Variants in ZBBX observed in about 807,000 individuals in gnomAD.
The protein encoded by ZBBX is zinc finger B-box domain-containing protein 1.
In ZBBX, 101 loss-of-function variants were observed where a neutral mutation model predicts 108.5. That is an observed-to-expected ratio of 0.93 (90% CI 0.79 to 1.10). ZBBX has a LOEUF of 1.10. Ranked by LOEUF, ZBBX falls within the 50% of genes least tolerant of loss-of-function variation. The probability of loss-of-function intolerance (pLI) is 0.00; values close to 1 mark genes in which losing one functional copy is unlikely to be tolerated. For synonymous variants in ZBBX, 356 were observed against 323.4 expected (o/e 1.10, Z -1.08); for missense variants, 1,009 against 941.4 (o/e 1.07, Z -0.94).
At chr3:167,357,042 G>A (rs1178711641) in intron 8 of ZBBX, among the ~76,000 whole-genome samples, 2 of 152,084 alleles carry the variant, frequency 1.3e-5, no homozygotes, top group African/African-American at 4.8e-5. Flanking sequence ...GTGTTGAGTA[G>A]GTAGATTGAG....
At chr3:167,202,299 T>C in the ZBBX span, among the ~76,000 whole-genome samples, 2 of 152,290 alleles carry the variant, frequency 1.3e-5, no homozygotes, top group Non-Finnish European at 2.9e-5. Flanking sequence ...TGAGCCACTG[T>C]TCTCTTTGCC....
At chr3:167,293,209 C>A (rs575065290) in intron 18 of ZBBX, among the ~76,000 whole-genome samples, 1 of 152,290 alleles carries the variant, frequency 6.6e-6, no homozygotes, top group Admixed American at 6.5e-5. Context: ...ATGAGGCCAG[C>A]ATCATCCTGA....
At chr3:167,348,372 A>AAAGAAGAAAGAAAGAAAG (rs1560163843) in intron 9 of ZBBX, among the ~76,000 whole-genome samples, 49 of 104,814 alleles carry the variant, frequency 4.7e-4, no homozygotes, top group African/African-American at 1.5e-3. Context: ...AAGAAAGAAA[A>AAAGAAGAAAGAAAGAAAG]AAAAGAAAAG....
chr3:167,326,025 C>A (rs566273306), intron 11 of ZBBX, among the ~76,000 whole-genome samples: 1 of 152,172 alleles, frequency 6.6e-6, no homozygotes, highest in East Asian at 1.9e-4. Flanking sequence ...AAACAAGTCA[C>A]CACTGAGGCA....
intron 16 of ZBBX, among the ~76,000 whole-genome samples, chr3:167,311,947 A>T (rs1734666027): frequency 6.6e-6 from 1 of 152,192 alleles, no homozygotes; most frequent in Non-Finnish European, 1.5e-5. Flanking sequence ...TACCCAAATA[A>T]GTTGAAAACT....
At chr3:167,321,455 G>A (rs80348242) in intron 12 of ZBBX, among the ~76,000 whole-genome samples, 2,156 of 152,040 alleles carry the variant, frequency 0.014, 21 homozygotes, top group African/African-American at 0.017. Flanking sequence ...ATGGTTTTGC[G>A]TAACTGAAGG....
intron 12 of ZBBX, among the ~76,000 whole-genome samples, chr3:167,318,544 G>A (rs560345893): frequency 1.4e-4 from 22 of 151,966 alleles, no homozygotes; most frequent in East Asian, 3.9e-4. Flanking sequence ...TCTTAACCAC[G>A]TACTTCCTTT....
At chr3:167,251,346 C>G in intron 20 of ZBBX, among the ~76,000 whole-genome samples, 1 of 152,200 alleles carries the variant, frequency 6.6e-6, no homozygotes, top group East Asian at 1.9e-4. Context: ...CTGGTTAACA[C>G]AAGCCACCTA....
chr3:167,240,615 A>G lies in ZBBX; in HGVS notation c.*178T>C. 1 of 571,976 alleles carries G rather than the reference A, an allele frequency of 1.7e-6. No individual in the cohort carries two copies. Among genetic ancestry groups the G allele is most frequent in the Non-Finnish European group, 2.9e-6 (1 of 339,206 alleles). The allele number at this position is 571,976 out of a possible 1,614,324, so 35.4% of individuals were successfully genotyped here. A position where few individuals can be genotyped will look rare whatever the true frequency, so the allele number is the denominator to read the frequency against. The stretch of plus-strand genomic sequence containing the variant: ...ATTAGTGGTTGACATATAATATATC[A>G]TTGGAAGAATAAGCCCTTGAACTTA... On this transcript the variant is annotated 3_prime_UTR_variant, in exon 22 of 22. Transcript: ENST00000675490.
rs1560010012 is a variant in ZBBX at position 167,240,602 on chromosome 3, CATATA to C, written c.*186_*190del. On this transcript the variant is annotated 3_prime_UTR_variant, in exon 22 of 22. Transcript: ENST00000675490. ...ATCTGCAATATAGATTAGTGGTTGA[CATATA>C]ATATATCATTGGAAGAATAAGCCCT... 2.7e-5 allele frequency: 14 copies of C among 521,418 alleles called. No individual in the cohort carries two copies. Among genetic ancestry groups the C allele is most frequent in the South Asian group, 1.9e-4 (8 of 41,286 alleles). 32.3% of individuals were successfully genotyped at this position (521,418 alleles called of 1,614,324 possible).
the ZBBX span, among the ~76,000 whole-genome samples, chr3:167,207,905 G>A: frequency 6.6e-5 from 10 of 152,278 alleles, no homozygotes; most frequent in African/African-American, 2.2e-4. Context: ...CACTGAAAGA[G>A]GGACAGAAGT....
At chr3:167,239,194 T>G (rs1221474475), downstream of ZBBX, among the ~76,000 whole-genome samples, 1 of 152,104 alleles carries the variant, frequency 6.6e-6, no homozygotes, top group East Asian at 1.9e-4. Context: ...TTGGAGGACC[T>G]CAGCTATTTT....
intron 1 of ZBBX, among the ~76,000 whole-genome samples, chr3:167,398,342 A>G (rs1748314614): frequency 1.3e-5 from 2 of 152,130 alleles, no homozygotes; most frequent in African/African-American, 4.8e-5. Flanking sequence ...AGTATTGTTC[A>G]GTCTACAACA....
the ZBBX span, among the ~76,000 whole-genome samples, chr3:167,198,977 T>G: frequency 3.9e-5 from 6 of 152,206 alleles, no homozygotes; most frequent in African/African-American, 1.4e-4. Context: ...AAATGTACAT[T>G]TACTTTGTTT....
the ZBBX span, among the ~76,000 whole-genome samples, chr3:167,185,066 C>T: frequency 6.6e-6 from 1 of 152,098 alleles, no homozygotes. Flanking sequence ...ATACCCTATA[C>T]ATTAATGTAT....
At chr3:167,403,620 TA>T (rs1167064897) in intron 1 of ZBBX, among the ~76,000 whole-genome samples, 7 of 152,046 alleles carry the variant, frequency 4.6e-5, no homozygotes, top group Non-Finnish European at 8.8e-5. Flanking sequence ...TATGAAAAAG[TA>T]AAATGCTTAA....
the ZBBX span, among the ~76,000 whole-genome samples, chr3:167,234,140 G>T: frequency 6.6e-6 from 1 of 151,630 alleles, no homozygotes; most frequent in African/African-American, 2.4e-5. Flanking sequence ...ACTGCTTTAC[G>T]GGAACAGAAT....
intron 20 of ZBBX, among the ~76,000 whole-genome samples, chr3:167,273,717 C>T (rs1358093633): frequency 1.3e-5 from 2 of 152,078 alleles, no homozygotes. Context: ...GTCCAATTGG[C>T]TATCCCTTTC....
chr3:167,354,418 G>C (rs1181904942), intron 8 of ZBBX, among the ~76,000 whole-genome samples: 1 of 151,796 alleles, frequency 6.6e-6, no homozygotes, highest in Admixed American at 6.6e-5. Flanking sequence ...GCATGGTCTG[G>C]TATGTATCAA....
Sources: gnomAD v4.1 joint callset for allele counts (sites outside exome capture counted in the v4.1 genomes callset) on GRCh38, gnomAD v4.1.1 for gene constraint, MANE v1.5 for transcripts, NCBI Gene and HGNC (gene_info 2026-07-23, HGNC 2026-07-21) for gene names.